Variants in COP1 observed in about 807,000 individuals in gnomAD.
COP1 encodes the protein E3 ubiquitin-protein ligase COP1.
COP1 carries 24 observed loss-of-function variants against 101.3 expected under a neutral mutation model. The observed-to-expected ratio is 0.24, with a 90% CI of 0.17 to 0.33. The LOEUF is 0.33. COP1 is among the 10% of genes least tolerant of loss of function. The pLI is 1.00. For synonymous variants in COP1, 347 were observed against 341.9 expected (o/e 1.01, Z -0.17); for missense variants, 663 against 906.2 (o/e 0.73, Z 3.45).
chr1:176,093,231 C>T (rs981486432), intron 9 of COP1, among the ~76,000 whole-genome samples: 1 of 152,130 alleles, frequency 6.6e-6, no homozygotes, highest in African/African-American at 2.4e-5. Flanking sequence ...GTTAGGAACA[C>T]ATGAGTAACC....
chr1:176,183,749 T>C (rs1052753104), intron 2 of COP1, among the ~76,000 whole-genome samples: 5 of 152,144 alleles, frequency 3.3e-5, no homozygotes, highest in Admixed American at 2.6e-4. Context: ...AGTATATATA[T>C]ACAATGGAGT....
chr1:176,152,386 C>T (rs1241334065), intron 5 of COP1, among the ~76,000 whole-genome samples: 2 of 151,906 alleles, frequency 1.3e-5, no homozygotes, highest in African/African-American at 4.8e-5. Context: ...GGAACTGTTG[C>T]TATTTGCTAT....
chr1:176,002,405 G>A (rs575270392), intron 15 of COP1, among the ~76,000 whole-genome samples: 23 of 151,668 alleles, frequency 1.5e-4, no homozygotes, highest in African/African-American at 5.3e-4. Context: ...TGCACATAGT[G>A]CAGGTTAGTT....
Position 176,135,039 on chromosome 1 carries a change from A to G in COP1, c.939T>C (p.Pro313=). The G allele has an allele frequency of 6.2e-7, 1 of 1,611,324 alleles. No individual in the cohort carries two copies. The highest frequency in any genetic ancestry group is 8.5e-7 in the Non-Finnish European group (1 of 1,177,942). The change falls in exon 8 of 20, where the codon CCT becomes CCC. Residue 313 remains proline, a synonymous_variant. Transcript: ENST00000367669. ...YSPVSEDSTV[P]QFEAPSPSHS... ...GTGATGGAGAAGGAGCTTCAAATTG[A>G]GGCACTGTGCTATCCTCACTGACAG...
chr1:176,069,189 GA>G (rs1020244675), intron 11 of COP1, among the ~76,000 whole-genome samples: 27 of 145,212 alleles, frequency 1.9e-4, no homozygotes, highest in Non-Finnish European at 2.0e-4. Context: ...CATCTCAAGA[GA>G]AAAAAAAAAG....
At chr1:176,182,025 T>G (rs888372987) in intron 2 of COP1, among the ~76,000 whole-genome samples, 5 of 152,106 alleles carry the variant, frequency 3.3e-5, no homozygotes, top group Non-Finnish European at 7.4e-5. Context: ...GATTATAAAT[T>G]TATTGAAAAG....
At chr1:176,035,710 C>CAAAAAAAAAAAAAAAAAAAAAAAACA (rs71129541) in intron 14 of COP1, among the ~76,000 whole-genome samples, 3 of 73,110 alleles carry the variant, frequency 4.1e-5, no homozygotes, top group African/African-American at 1.4e-4. Flanking sequence ...AAAACGAGAC[C>CAAAAAAAAAAAAAAAAAAAAAAAACA]AAAAAAAAAA....
chr1:176,103,516 G>T (rs1222869513), intron 9 of COP1, among the ~76,000 whole-genome samples: 1 of 152,116 alleles, frequency 6.6e-6, no homozygotes, highest in Non-Finnish European at 1.5e-5. Flanking sequence ...CCCTACCTTG[G>T]AATATTTGCA....
intron 18 of COP1, among the ~76,000 whole-genome samples, chr1:175,968,119 CTCAACCTCCCAAAG>C (rs1652442537): frequency 6.6e-6 from 1 of 152,166 alleles, no homozygotes. Flanking sequence ...ATCCATCTGC[CTCAACCTCCCAAAG>C]TGCTGGGATT....
intron 15 of COP1, among the ~76,000 whole-genome samples, chr1:175,995,721 C>T (rs538103402): frequency 1.3e-5 from 2 of 152,160 alleles, no homozygotes; most frequent in African/African-American, 4.8e-5. Context: ...TCTGAATAGA[C>T]CAATAACAGG....
chr1:176,176,393 T>TA (rs1400455110), intron 2 of COP1, among the ~76,000 whole-genome samples: 5 of 151,924 alleles, frequency 3.3e-5, no homozygotes, highest in Middle Eastern at 6.8e-3. Context: ...TTCATTGAAA[T>TA]AAAAAAGAGA....
chr1:175,993,078 C>A (rs923551133), intron 15 of COP1, among the ~76,000 whole-genome samples: 1 of 152,212 alleles, frequency 6.6e-6, no homozygotes, highest in East Asian at 1.9e-4. Flanking sequence ...ACAGGACTTG[C>A]GGTTCACGAA....
chr1:176,164,950 ATAAG>A (rs958652595), intron 3 of COP1, among the ~76,000 whole-genome samples: 2 of 152,218 alleles, frequency 1.3e-5, no homozygotes, highest in African/African-American at 4.8e-5. Flanking sequence ...CACAGAGAGC[ATAAG>A]TAACTTATGC....
intron 18 of COP1, among the ~76,000 whole-genome samples, chr1:175,954,748 T>C (rs1193995230): frequency 2.6e-5 from 4 of 151,906 alleles, no homozygotes; most frequent in Admixed American, 2.6e-4. Flanking sequence ...AGCTTGTAAA[T>C]CAAACAAAAC....
intron 18 of COP1, among the ~76,000 whole-genome samples, chr1:175,962,528 C>A (rs1053583257): frequency 6.6e-6 from 1 of 152,032 alleles, no homozygotes; most frequent in African/African-American, 2.4e-5. Flanking sequence ...ACCTCCAAAC[C>A]GAGCCTTTTC....
At position 176,206,826 on chromosome 1, in the gene COP1, C is replaced by T; in HGVS notation, c.153G>A (p.Gly51=). 7.1e-7 allele frequency: 1 copy of T among 1,404,266 alleles called. No homozygotes were observed. Among genetic ancestry groups the T allele is most frequent in the South Asian group, 1.5e-5 (1 of 65,904 alleles). 87.0% of individuals were successfully genotyped at this position (1,404,266 alleles called of 1,614,324 possible). A position where few individuals can be genotyped will look rare whatever the true frequency, so the allele number is the denominator to read the frequency against. Reference sequence around the variant, plus strand: ...CGCCCGAGCCGGCGGCCTGGGCCACCCCGCCGGACACCAGCGCTGCCGCCG... The same window carrying T: ...CGCCCGAGCCGGCGGCCTGGGCCACTCCGCCGGACACCAGCGCTGCCGCCG... ...AVSAAALVSG[G]VAQAAGSGGL... Residue 51 remains glycine (G), a synonymous_variant, in exon 1 of 20, where the codon GGG becomes GGA. Coordinates refer to ENST00000367669, the MANE Select transcript of COP1 (RefSeq NM_022457.7).
At chr1:176,140,222 G>A (rs1024242811) in intron 6 of COP1, among the ~76,000 whole-genome samples, 2 of 152,090 alleles carry the variant, frequency 1.3e-5, no homozygotes, top group Non-Finnish European at 2.9e-5. Flanking sequence ...CTATACATAA[G>A]GTGAACCTCA....
At chr1:175,958,550 T>C (rs545806405) in intron 18 of COP1, among the ~76,000 whole-genome samples, 9 of 152,014 alleles carry the variant, frequency 5.9e-5, no homozygotes, top group African/African-American at 2.2e-4. Context: ...ACCCTACATT[T>C]CTCCTCCTTT....
intron 5 of COP1, among the ~76,000 whole-genome samples, chr1:176,157,468 C>T (rs546387890): frequency 6.6e-6 from 1 of 152,248 alleles, no homozygotes; most frequent in East Asian, 1.9e-4. Context: ...TGAAACAATG[C>T]TTTCCAGACA....
Sources: gnomAD v4.1 joint callset for allele counts (sites outside exome capture counted in the v4.1 genomes callset) on GRCh38, gnomAD v4.1.1 for gene constraint, MANE v1.5 for transcripts, NCBI Gene and HGNC (gene_info 2026-07-23, HGNC 2026-07-21) for gene names.